Variants in MRAS observed in about 807,000 individuals in gnomAD.
MRAS encodes muscle RAS oncogene homolog.
Under a neutral mutation model 20.9 loss-of-function variants are expected in MRAS, and 4 were observed. That is an observed-to-expected ratio of 0.19 (90% CI 0.09 to 0.44). MRAS has a LOEUF of 0.44. Among genes scored for constraint, MRAS ranks in the 20% least tolerant of loss-of-function variants. MRAS has a pLI of 0.99. For missense variants in MRAS, 154 were observed against 277.5 expected, an observed-to-expected ratio of 0.56 and a Z score of 3.16; for synonymous variants, 98 against 102.9, an observed-to-expected ratio of 0.95 and a Z score of 0.29.
At chr3:138,386,797 G>C (rs919475801) in intron 2 of MRAS, among the ~76,000 whole-genome samples, 1 of 152,162 alleles carries the variant, frequency 6.6e-6, no homozygotes, top group African/African-American at 2.4e-5. Context: ...ACTACATTTT[G>C]TTTATTCTTT....
At position 138,398,307 on chromosome 3, in the gene MRAS, C is replaced by G. The variant is rs57479499; in HGVS notation, c.348-162C>G. ...GCCCCCGGGCCCTTTCCCCCAAGCC[C>G]TGACCTCTCTCTGGAAAGGAAGAGG... On this transcript the variant is annotated intron_variant, in intron 3 of 5. Coordinates refer to ENST00000423968, the MANE Select transcript of MRAS (RefSeq NM_001085049.3). 0.023 allele frequency among the ~76,000 whole-genome samples: 3,452 copies of G among 152,310 alleles called. 122 individuals are homozygous for G. The highest frequency in any genetic ancestry group is 0.078 in the African/African-American group (3,237 of 41,554).
intron 1 of MRAS, among the ~76,000 whole-genome samples, chr3:138,369,609 G>GC (rs1293775966): frequency 6.6e-6 from 1 of 152,158 alleles, no homozygotes; most frequent in Non-Finnish European, 1.5e-5. Flanking sequence ...TTCACAAGGG[G>GC]CCCAGTCTGA....
chr3:138,379,579 A>T (rs2054857589), intron 2 of MRAS, among the ~76,000 whole-genome samples: 1 of 152,122 alleles, frequency 6.6e-6, no homozygotes. Context: ...GTTGGTCTCG[A>T]ACTCCTGACC....
At position 138,393,106 on chromosome 3, in the gene MRAS, C is replaced by T. The variant is rs939002049; in HGVS notation, c.194-4218C>T. On this transcript the variant is annotated intron_variant, in intron 2 of 5. Transcript: ENST00000423968. ...ATCATTAGCCTCTTGACAAATGAGG[C>T]GAGAACTTTAGTACTTATTTTTTCC... 7.9e-5 allele frequency among the ~76,000 whole-genome samples: 12 copies of T among 152,158 alleles called. 1 individual carries two copies. The highest frequency in any genetic ancestry group is 7.2e-4 in the Admixed American group (11 of 15,274).
At chr3:138,369,253 G>A (rs532032023) in intron 1 of MRAS, among the ~76,000 whole-genome samples, 2 of 152,248 alleles carry the variant, frequency 1.3e-5, no homozygotes, top group African/African-American at 2.4e-5. Flanking sequence ...ACAAGATGCT[G>A]TTCCTGCCCT....
At chr3:138,355,856 G>A (rs1576339145) in intron 1 of MRAS, among the ~76,000 whole-genome samples, 1 of 152,288 alleles carries the variant, frequency 6.6e-6, no homozygotes. Context: ...GCTTGAACCC[G>A]GGAGGCAGAG....
At chr3:138,381,683 G>T (rs1338130952) in intron 2 of MRAS, among the ~76,000 whole-genome samples, 1 of 152,294 alleles carries the variant, frequency 6.6e-6, no homozygotes, top group Non-Finnish European at 1.5e-5. Context: ...CTCTGTCTCC[G>T]ACTCCCCAGC....
chr3:138,380,605 C>T (rs1042067066), intron 2 of MRAS, among the ~76,000 whole-genome samples: 3 of 151,362 alleles, frequency 2.0e-5, no homozygotes, highest in Non-Finnish European at 4.4e-5. Context: ...GCCACCGCGC[C>T]CGGCTTCTAC....
At chr3:138,395,026 TTTTC>T (rs1359779011) in intron 2 of MRAS, among the ~76,000 whole-genome samples, 3 of 152,022 alleles carry the variant, frequency 2.0e-5, no homozygotes, top group Non-Finnish European at 2.9e-5. Context: ...ATGCCTTTCT[TTTTC>T]TTTCTTTTTT....
intron 2 of MRAS, among the ~76,000 whole-genome samples, chr3:138,382,579 G>T (rs1430268523): frequency 2.6e-5 from 4 of 152,146 alleles, no homozygotes; most frequent in Non-Finnish European, 4.4e-5. Flanking sequence ...CACCCGAGGG[G>T]CCCTTCCCAG....
At chr3:138,381,730 C>A (rs1477739293) in intron 2 of MRAS, among the ~76,000 whole-genome samples, 1 of 152,232 alleles carries the variant, frequency 6.6e-6, no homozygotes, top group Non-Finnish European at 1.5e-5. Context: ...AAGCCTGGCT[C>A]TTCTCCTGCA....
chr3:138,390,528 C>A (rs549936429), intron 2 of MRAS, among the ~76,000 whole-genome samples: 108 of 152,364 alleles, frequency 7.1e-4, no homozygotes, highest in Non-Finnish European at 1.4e-3. Context: ...GTCCTCCTAC[C>A]TTCATGACAT....
chr3:138,360,514 G>T (rs1560164036), intron 1 of MRAS, among the ~76,000 whole-genome samples: 1 of 152,200 alleles, frequency 6.6e-6, no homozygotes, highest in Non-Finnish European at 1.5e-5. Context: ...GTGCTGGTGG[G>T]GTCTCAGTGC....
intron 1 of MRAS, among the ~76,000 whole-genome samples, chr3:138,356,868 T>C (rs2054345088): frequency 6.6e-6 from 1 of 152,120 alleles, no homozygotes; most frequent in Non-Finnish European, 1.5e-5. Flanking sequence ...CATCATAGCC[T>C]TCCCATCCAC....
intron 1 of MRAS, among the ~76,000 whole-genome samples, chr3:138,368,308 ATG>A (rs1270515819): frequency 6.6e-6 from 1 of 152,054 alleles, no homozygotes; most frequent in Admixed American, 6.6e-5. Context: ...GAGTGTGTAT[ATG>A]TGTGTGTGTG....
chr3:138,377,173 A>G (rs1217396474), intron 2 of MRAS, among the ~76,000 whole-genome samples: 1 of 152,252 alleles, frequency 6.6e-6, no homozygotes, highest in East Asian at 1.9e-4. Flanking sequence ...TTACTTTAGA[A>G]GAATGAGTTT....
chr3:138,376,509 T>C (rs1177893446), intron 2 of MRAS, among the ~76,000 whole-genome samples: 2 of 152,226 alleles, frequency 1.3e-5, no homozygotes, highest in Non-Finnish European at 2.9e-5. Context: ...CAGTAAACAT[T>C]TGTGGAATGA....
At chr3:138,349,244 G>A (rs1454722057) in intron 1 of MRAS, 1 of 152,386 alleles carries the variant, frequency 6.6e-6, no homozygotes, top group Non-Finnish European at 1.5e-5. Flanking sequence ...ACTGCCCCCG[G>A]AGGTTTGGGG....
Position 138,354,884 on chromosome 3 carries a change from C to G in MRAS, c.-19+6117C>G, listed in dbSNP as rs138686507. On this transcript the variant is annotated intron_variant, in intron 1 of 5. Transcript: ENST00000423968. ...CAGCCTCGAACTCCTGGGCTCAAGC[C>G]ATCCTCCTGCCTCAGCCTCCTCAGT... Among the ~76,000 whole-genome samples, 196 of 152,216 alleles carry G rather than the reference C, an allele frequency of 1.3e-3. 1 individual carries two copies. The highest frequency in any genetic ancestry group is 4.4e-3 in the African/African-American group (183 of 41,520).
Sources: allele counts gnomAD v4.1 joint callset (sites outside exome capture counted in the v4.1 genomes callset), GRCh38; gene constraint gnomAD v4.1.1; transcripts MANE v1.5; gene names NCBI Gene and HGNC (gene_info 2026-07-23, HGNC 2026-07-21).